Variants in PCSK4 observed in about 807,000 individuals in gnomAD.
The protein encoded by PCSK4 is proprotein convertase subtilisin/kexin type 4, also known as testicular tissue protein Li 135.
PCSK4 carries 64 observed loss-of-function variants against 80.3 expected under a neutral mutation model. That is an observed-to-expected ratio of 0.80 (90% CI 0.65 to 0.98). PCSK4 has a LOEUF of 0.98. PCSK4 is among the 50% of genes least tolerant of loss of function. PCSK4 has a pLI of 0.00. For missense variants in PCSK4, 1,213 were observed against 1,093.6 expected (o/e 1.11, Z -1.54); for synonymous variants, 561 against 487.6 (o/e 1.15, Z -1.98).
chr19:1,483,952 CG>C lies in PCSK4; in HGVS notation c.1170-12del. On this transcript the variant is annotated splice_polypyrimidine_tract_variant and intron_variant, in intron 9 of 14. Coordinates refer to ENST00000300954, the Ensembl canonical transcript of PCSK4. ...CACGTCAGGAACGGGCTGCGGGGGG[CG>C]GGGGCGGGGGCGGGTGAGCCGCCGG... The C allele has an allele frequency of 1.1e-6, 1 of 939,208 alleles. No individual in the cohort carries two copies. The allele number at this position is 939,208 out of a possible 1,614,324, so 58.2% of individuals were successfully genotyped here.
In PCSK4 at chr19:1,490,026, T is replaced by G. The variant is rs988732334; in HGVS notation, c.190-129A>C. ...TCTCTGGGAGTCCCAGAAGCTGAGC[T>G]TGGCTGAGGCAGGGGTGGGCTGGGA... is the stretch of plus-strand genomic sequence containing the variant. On this transcript the variant is annotated intron_variant, in intron 1 of 14. Coordinates refer to ENST00000300954, the Ensembl canonical transcript of PCSK4. 27 of 1,521,606 alleles carry G rather than the reference T, an allele frequency of 1.8e-5. No homozygotes were observed. In the African/African-American group the frequency reaches 3.2e-4, roughly 18 times the overall value. The allele number at this position is 1,521,606 out of a possible 1,614,324, so 94.3% of individuals were successfully genotyped here. A position where few individuals can be genotyped will look rare whatever the true frequency, so the allele number is the denominator to read the frequency against.
rs142595426 is a variant in PCSK4, at chr19:1,490,230, G to T, written c.117C>A (p.Ala39=). Residue 39 remains alanine (A), a synonymous_variant, in exon 1 of 15, where the codon GCC becomes GCA. Coordinates refer to ENST00000300954, the Ensembl canonical transcript of PCSK4. Reference sequence around the variant, plus strand: ...CCCGGTTACCCTGGGACACCTGGACGGCCCAGCTGCTGACATAGATGGGGG... The same window carrying T: ...CCCGGTTACCCTGGGACACCTGGACTGCCCAGCTGCTGACATAGATGGGGG... The T allele has an allele frequency of 2.3e-5, 37 of 1,613,002 alleles. No individual in the cohort carries two copies. In the African/African-American group the frequency reaches 4.1e-4, roughly 18 times the overall value.
At position 1,489,896 on chromosome 19, in the gene PCSK4, A is replaced by G. The variant is rs200285051; in HGVS notation, c.191T>C (p.Ile64Thr). 6 of 1,606,344 alleles carry G rather than the reference A, an allele frequency of 3.7e-6. No individual in the cohort carries two copies. The African/African-American group carries it at 8.0e-5, about 22-fold the overall frequency. Residue 64 changes from isoleucine (I) to threonine (T), a missense_variant and splice_region_variant, in exon 2 of 15, where the codon ATC becomes ACC. Coordinates refer to ENST00000300954, the Ensembl canonical transcript of PCSK4. Reference sequence around the variant, plus strand: ...GTGAAAGTACTGCCCGTCAGGGAAGATCTGGGGATGTGGGGAAGCGGCCGC... The same window carrying G: ...GTGAAAGTACTGCCCGTCAGGGAAGGTCTGGGGATGTGGGGAAGCGGCCGC...
chr19:1,482,610 C>T, intron 13 of PCSK4, 135 bp from the exon 14 acceptor site: 1 of 1,135,670 alleles, frequency 8.8e-7, no homozygotes. Flanking sequence ...GGGAATTGCA[C>T]ACCTACTGTG....
chr19:1,488,260 C>A (rs757215642), exon 3 of PCSK4: 5 of 1,613,308 alleles, frequency 3.1e-6, no homozygotes, highest in Non-Finnish European at 4.2e-6. Flanking sequence ...GCTGCAGCGT[C>A]TGCTGCTGGA....
At position 1,482,908 on chromosome 19, in the gene PCSK4, A is replaced by T. The variant is rs1053898651; in HGVS notation, c.1684T>A (p.Tyr562Asn). ...GCCCCGCCCTCACCCGTGTTGAAAT[A>T]GTAGCCCTTGTTCTCTAGGCCCAGG... is the stretch of plus-strand genomic sequence containing the variant. Residue 562 changes from tyrosine (Y) to asparagine (N), a missense_variant, in exon 13 of 15, where the codon TAT becomes AAT. Coordinates refer to ENST00000300954, the Ensembl canonical transcript of PCSK4. The T allele has an allele frequency of 6.2e-7, 1 of 1,613,274 alleles. No homozygotes were observed. The highest frequency in any genetic ancestry group is 1.7e-5 in the Admixed American group (1 of 59,970).
rs2084416356 is a variant in PCSK4, at chr19:1,483,428, AC to A, written c.1426del (p.Val476TyrfsTer21). The A allele has an allele frequency of 1.9e-6, 3 of 1,598,732 alleles. No individual in the cohort carries two copies. In the South Asian group the frequency reaches 3.3e-5, roughly 18 times the overall value. On this transcript the variant is annotated frameshift_variant, in exon 12 of 15. Coordinates refer to ENST00000300954, the Ensembl canonical transcript of PCSK4. LOFTEE classifies it high-confidence loss of function. ...GTTGTGGAGGCCGGCGCAGGCCGAT[AC>A]GTTTTCCCTGATGTAGATCAGCGGC...
At position 1,486,924 on chromosome 19, in the gene PCSK4, AG is replaced by A; in HGVS notation, c.996del (p.Trp333GlyfsTer50). ...GTGGAGGCGCAGGCTTCGCTGTACC[AG>A]GGCACGCGGCCCTGCTGGGTGGTGC... On this transcript the variant is annotated frameshift_variant, in exon 8 of 15. Coordinates refer to ENST00000300954, the Ensembl canonical transcript of PCSK4. LOFTEE classifies it high-confidence loss of function. The A allele has an allele frequency of 6.2e-7, 1 of 1,604,786 alleles. No individual in the cohort carries two copies.
chr19:1,483,211 G>A (rs539416306), intron 12 of PCSK4, 73 bp downstream of exon 12: 96 of 1,406,928 alleles, frequency 6.8e-5, no homozygotes, highest in Non-Finnish European at 8.8e-5. Flanking sequence ...CTCCCCGTGA[G>A]GACACTCCGG....
At chr19:1,487,390 A>G in intron 6 of PCSK4, 77 bp from the exon 7 acceptor site, 3 of 1,190,552 alleles carry the variant, frequency 2.5e-6, no homozygotes, top group Non-Finnish European at 3.5e-6. Flanking sequence ...GCGCCACTCC[A>G]CACCACTCCC....
In PCSK4 at chr19:1,483,783, G is replaced by A; in HGVS notation, c.1274-16C>T. 2 of 1,558,986 alleles carry A rather than the reference G, an allele frequency of 1.3e-6. No individual in the cohort carries two copies. The highest frequency in any genetic ancestry group is 1.8e-5 in the Admixed American group (1 of 56,264). The stretch of plus-strand genomic sequence containing the variant: ...TGATGGCTCACTGCGCGGAAGGGCA[G>A]CAGTCACTCGCCCCGTGGGCCCCGG... On this transcript the variant is annotated splice_polypyrimidine_tract_variant and intron_variant, in intron 10 of 14. Transcript: ENST00000300954.
chr19:1,490,672 C>T (rs1378489575), upstream of PCSK4: 4 of 330,112 alleles, frequency 1.2e-5, no homozygotes, highest in Admixed American at 4.7e-5. Context: ...CTTTCCAACA[C>T]ACCCCTCCTT....
chr19:1,488,444 G>A (rs976260922), intron 2 of PCSK4, among the ~76,000 whole-genome samples, 164 bp from the exon 3 acceptor site: 2 of 152,158 alleles, frequency 1.3e-5, no homozygotes, highest in Non-Finnish European at 2.9e-5. Context: ...AAGGGGTCGA[G>A]GCTTTTGGAC....
chr19:1,485,513 T>C (rs936613351), intron 8 of PCSK4, among the ~76,000 whole-genome samples: 2 of 152,014 alleles, frequency 1.3e-5, no homozygotes, highest in Non-Finnish European at 2.9e-5. Context: ...TGCAGTGAGC[T>C]GAGATCATGC....
chr19:1,482,456 C>A, exon 14 of PCSK4: 1 of 1,605,974 alleles, frequency 6.2e-7, no homozygotes, highest in Non-Finnish European at 8.5e-7. Flanking sequence ...AGAGCAGCAG[C>A]GTGTAGCGGT....
chr19:1,484,086 C>A, exon 9 of PCSK4: 1 of 1,566,934 alleles, frequency 6.4e-7, no homozygotes, highest in East Asian at 2.4e-5. Context: ...CCGAGGTGCC[C>A]GTGTGCTGGT....
At chr19:1,483,599 T>C (rs1415406871) in intron 11 of PCSK4, 51 bp downstream of exon 11, 7 of 1,484,832 alleles carry the variant, frequency 4.7e-6, no homozygotes, top group Non-Finnish European at 5.5e-6. Flanking sequence ...GCCTCAGGCC[T>C]GTCCCCCACA....
chr19:1,482,363 C>T, exon 14 of PCSK4: 1 of 1,542,746 alleles, frequency 6.5e-7, no homozygotes, highest in African/African-American at 1.4e-5. Context: ...CCTGGCACAG[C>T]CCCTCTGTGT....
intron 13 of PCSK4, 142 bp from the exon 14 acceptor site, chr19:1,482,617 T>G (rs902517414): frequency 9.3e-7 from 1 of 1,070,354 alleles, no homozygotes; most frequent in African/African-American, 1.6e-5. Context: ...GCACACCTAC[T>G]GTGCGCCTGT....
Sources: allele counts gnomAD v4.1 joint callset (sites outside exome capture counted in the v4.1 genomes callset), GRCh38; gene constraint gnomAD v4.1.1; transcripts MANE v1.5; gene names NCBI Gene and HGNC (gene_info 2026-07-23, HGNC 2026-07-21).